The following FERRY3 variants were observed in gnomAD, a reference collection of about 807,000 sequenced individuals.
FERRY3 encodes FERRY endosomal RAB5 effector complex subunit 3.
At chr12:4,517,583 C>T in the FERRY3 span, among the ~76,000 whole-genome samples, 22 of 150,444 alleles carry the variant, frequency 1.5e-4, no homozygotes, top group Admixed American at 2.6e-4. Flanking sequence ...ATATATTCTA[C>T]ATTTTATATA....
the FERRY3 span, chr12:4,490,676 T>C: frequency 2.8e-6 from 3 of 1,065,058 alleles, no homozygotes; most frequent in Non-Finnish European, 4.2e-6. Context: ...GAATTTTCAC[T>C]GTGGGGCTTC....
chr12:4,525,600 C>T, the FERRY3 span: 2 of 1,555,154 alleles, frequency 1.3e-6, no homozygotes, highest in Non-Finnish European at 8.8e-7. Context: ...CACAAATAAA[C>T]AAATCAGGGA....
the FERRY3 span, chr12:4,500,380 A>G: frequency 1.3e-6 from 2 of 1,554,100 alleles, no homozygotes; most frequent in Non-Finnish European, 1.8e-6. Context: ...CAAATGCCTA[A>G]GTAAGTCACA....
At chr12:4,504,407 A>C in the FERRY3 span, among the ~76,000 whole-genome samples, 1 of 152,216 alleles carries the variant, frequency 6.6e-6, no homozygotes, top group Non-Finnish European at 1.5e-5. Flanking sequence ...ACAAACACTA[A>C]GGGTCATCAG....
chr12:4,498,977 A>G, the FERRY3 span, among the ~76,000 whole-genome samples: 2 of 152,202 alleles, frequency 1.3e-5, no homozygotes, highest in Non-Finnish European at 2.9e-5. Flanking sequence ...TTGGCCTGGC[A>G]GTTTGGGAGC....
the FERRY3 span, chr12:4,491,160 G>A: frequency 6.2e-7 from 1 of 1,609,222 alleles, no homozygotes; most frequent in Non-Finnish European, 8.5e-7. Flanking sequence ...GGTTGTCAGA[G>A]AGAAGATTAT....
the FERRY3 span, among the ~76,000 whole-genome samples, chr12:4,511,328 C>A: frequency 1.3e-5 from 2 of 150,868 alleles, no homozygotes; most frequent in African/African-American, 2.5e-5. Context: ...TTAGACAGAT[C>A]AACGAGACAG....
the FERRY3 span, among the ~76,000 whole-genome samples, chr12:4,495,920 A>G: frequency 6.6e-6 from 1 of 152,240 alleles, no homozygotes; most frequent in Non-Finnish European, 1.5e-5. Flanking sequence ...GACCCTAGCA[A>G]ATCTTTGAAG....
chr12:4,513,131 C>T, the FERRY3 span, among the ~76,000 whole-genome samples: 2 of 58,836 alleles, frequency 3.4e-5, no homozygotes, highest in Admixed American at 2.1e-4. Flanking sequence ...TGAGTGAACT[C>T]CCATTCACAA....
the FERRY3 span, chr12:4,502,355 G>A: frequency 2.3e-6 from 1 of 441,698 alleles, no homozygotes; most frequent in Non-Finnish European, 4.5e-6. This position sits in a 1 kb window ranked among gnomAD's most constrained non-coding sequence, Gnocchi z 4.2. Flanking sequence ...GAATGAATGA[G>A]TATTTAAGGC....
chr12:4,517,775 T>C, the FERRY3 span, among the ~76,000 whole-genome samples: 1 of 150,666 alleles, frequency 6.6e-6, no homozygotes, highest in East Asian at 1.9e-4. Flanking sequence ...AGCCAGAATT[T>C]GCTTCTAAAC....
chr12:4,516,015 A>T, the FERRY3 span, among the ~76,000 whole-genome samples: 16 of 152,330 alleles, frequency 1.1e-4, no homozygotes, highest in South Asian at 3.3e-3. Flanking sequence ...TTATGGATAA[A>T]TATAGAAAAA....
chr12:4,512,330 A>G, the FERRY3 span, among the ~76,000 whole-genome samples: 3 of 151,810 alleles, frequency 2.0e-5, no homozygotes, highest in Non-Finnish European at 4.4e-5. Flanking sequence ...AACTGGTACC[A>G]TTCCTTCTGA....
At chr12:4,491,122 T>C in the FERRY3 span, 8 of 1,547,346 alleles carry the variant, frequency 5.2e-6, no homozygotes, top group South Asian at 8.9e-5. Flanking sequence ...TGCTCTACTT[T>C]CAATGTTTGG....
At chr12:4,520,610 G>A in the FERRY3 span, among the ~76,000 whole-genome samples, 1 of 152,128 alleles carries the variant, frequency 6.6e-6, no homozygotes, top group Admixed American at 6.5e-5. Context: ...TGAAGGTACT[G>A]ACAGACACGA....
At chr12:4,517,354 ATTTTG>A in the FERRY3 span, among the ~76,000 whole-genome samples, 4 of 152,208 alleles carry the variant, frequency 2.6e-5, no homozygotes, top group East Asian at 5.8e-4. Flanking sequence ...GGGCACAGCA[ATTTTG>A]TTTTGATTAG....
the FERRY3 span, among the ~76,000 whole-genome samples, chr12:4,498,820 C>T: frequency 6.6e-6 from 1 of 152,140 alleles, no homozygotes; most frequent in Non-Finnish European, 1.5e-5. Context: ...TCAAAAGGAG[C>T]ACGCAACCTA....
the FERRY3 span, among the ~76,000 whole-genome samples, chr12:4,492,541 T>C: frequency 2.4e-4 from 37 of 152,228 alleles, no homozygotes; most frequent in African/African-American, 8.9e-4. Context: ...TCAGTCTTAT[T>C]CTAATTGCCG....
At chr12:4,526,402 A>C in the FERRY3 span, among the ~76,000 whole-genome samples, 1 of 152,230 alleles carries the variant, frequency 6.6e-6, no homozygotes, top group South Asian at 2.1e-4. Context: ...CACTTAAAAA[A>C]TTGAAATTAA....
Sources: allele counts gnomAD v4.1 joint callset (sites outside exome capture counted in the v4.1 genomes callset), GRCh38; gene constraint gnomAD v4.1.1; non-coding constraint Gnocchi (gnomAD v3.1); transcripts MANE v1.5; gene names NCBI Gene and HGNC (gene_info 2026-07-23, HGNC 2026-07-21).